MAPK9: variants seen among roughly 807,000 people sequenced by gnomAD.
The protein encoded by MAPK9 is mitogen-activated protein kinase 9.
Under a neutral mutation model 57.1 loss-of-function variants are expected in MAPK9, and 30 were observed. That is an observed-to-expected ratio of 0.53 (90% CI 0.39 to 0.71). MAPK9 has a LOEUF of 0.71. Ranked by LOEUF, MAPK9 falls within the 30% of genes least tolerant of loss-of-function variation. The pLI is 0.00. For missense variants in MAPK9, 362 were observed against 521.0 expected (o/e 0.69, Z 2.97); for synonymous variants, 155 against 177.0 (o/e 0.88, Z 0.99).
intron 5 of MAPK9, chr5:180,257,894 C>A: frequency 1.1e-5 from 2 of 181,894 alleles, no homozygotes; most frequent in South Asian, 1.5e-4. Flanking sequence ...TTCACATGTC[C>A]TTCATCCCTT....
intron 5 of MAPK9, among the ~76,000 whole-genome samples, chr5:180,251,484 G>A (rs191036208): frequency 2.6e-5 from 4 of 152,296 alleles, no homozygotes; most frequent in Admixed American, 1.3e-4. Context: ...CTTTACTGCC[G>A]TCTGCTGGAA....
At chr5:180,254,768 G>A (rs34522502) in intron 5 of MAPK9, among the ~76,000 whole-genome samples, 214 of 152,344 alleles carry the variant, frequency 1.4e-3, no homozygotes, top group Non-Finnish European at 2.3e-3. Context: ...AGGCACAGTG[G>A]CTCATGCCTG....
At chr5:180,257,617 T>G (rs1030761600) in intron 5 of MAPK9, 4 of 152,274 alleles carry the variant, frequency 2.6e-5, no homozygotes, top group Non-Finnish European at 4.4e-5. Context: ...TGCCACAGAC[T>G]GTCACCCTGT....
chr5:180,264,860 A>T (rs768846922), intron 3 of MAPK9, 21 bp from the exon 4 acceptor site: 1 of 1,498,242 alleles, frequency 6.7e-7, no homozygotes, highest in South Asian at 1.2e-5. Context: ...AAAATTAATT[A>T]TACTTCAATA....
chr5:180,237,321 C>A (rs1757249517), intron 11 of MAPK9: 1 of 152,150 alleles, frequency 6.6e-6, no homozygotes. Flanking sequence ...CACATCCGCA[C>A]ACATGTGTGT....
intron 7 of MAPK9, among the ~76,000 whole-genome samples, chr5:180,245,868 T>C (rs1350953619): frequency 6.6e-6 from 1 of 152,226 alleles, no homozygotes; most frequent in Non-Finnish European, 1.5e-5. Flanking sequence ...TCAGTCTGAT[T>C]TCTGCAACTT....
At chr5:180,264,068 C>T (rs894925737) in intron 4 of MAPK9, among the ~76,000 whole-genome samples, 2 of 152,156 alleles carry the variant, frequency 1.3e-5, no homozygotes, top group African/African-American at 4.8e-5. Flanking sequence ...GAGGTCTTTC[C>T]CCAGCCACCT....
chr5:180,254,903 G>A (rs35532944), intron 5 of MAPK9, among the ~76,000 whole-genome samples: 2,031 of 152,206 alleles, frequency 0.013, 54 homozygotes, highest in African/African-American at 0.046. Context: ...GCGTGGTGGC[G>A]GACGCCTGCA....
intron 2 of MAPK9, among the ~76,000 whole-genome samples, chr5:180,274,404 T>C (rs1247515421): frequency 6.6e-6 from 1 of 152,198 alleles, no homozygotes; most frequent in Non-Finnish European, 1.5e-5. Flanking sequence ...TTGCTCTGGC[T>C]CATGGAAAGG....
At chr5:180,254,835 C>A (rs1759097796) in intron 5 of MAPK9, among the ~76,000 whole-genome samples, 1 of 152,128 alleles carries the variant, frequency 6.6e-6, no homozygotes, top group Non-Finnish European at 1.5e-5. Flanking sequence ...GAGATCGAGA[C>A]CATCCTGGGT....
At chr5:180,249,246 G>T in intron 5 of MAPK9, 108 bp from the exon 6 acceptor site, 1 of 988,596 alleles carries the variant, frequency 1.0e-6, no homozygotes, top group South Asian at 2.0e-5. Flanking sequence ...GGAGTGAACT[G>T]AACTCTGAGA....
chr5:180,289,744 G>C (rs545658164), intron 1 of MAPK9, among the ~76,000 whole-genome samples: 1 of 152,144 alleles, frequency 6.6e-6, no homozygotes, highest in African/African-American at 2.4e-5. Context: ...CAGTCCTGGA[G>C]GATGACGATC....
intron 5 of MAPK9, chr5:180,257,908 A>G: frequency 5.5e-6 from 1 of 180,410 alleles, no homozygotes; most frequent in Non-Finnish European, 1.3e-5. Context: ...ATCCCTTAAT[A>G]GGCACATCTT....
chr5:180,282,612 C>T (rs898028186), intron 1 of MAPK9, among the ~76,000 whole-genome samples: 1 of 152,202 alleles, frequency 6.6e-6, no homozygotes, highest in Non-Finnish European at 1.5e-5. Context: ...TGTCCAGACA[C>T]AGCGAACTGC....
intron 5 of MAPK9, among the ~76,000 whole-genome samples, chr5:180,254,257 G>A (rs963053778): frequency 6.6e-6 from 1 of 152,178 alleles, no homozygotes; most frequent in African/African-American, 2.4e-5. Flanking sequence ...ATGAGCCACC[G>A]TGCTTGGCCT....
In MAPK9 at chr5:180,235,552, T is replaced by G. The variant is rs1361126903; in HGVS notation, c.*832A>C. The G allele has an allele frequency of 6.6e-6, 1 of 152,090 alleles. No homozygotes were observed. The highest frequency in any genetic ancestry group is 1.5e-5 in the Non-Finnish European group (1 of 68,014). 9.4% of individuals were successfully genotyped at this position (152,090 alleles called of 1,614,324 possible). ...AGTGTTACGCACCTAATAAAGAAGGTGAAGTTCTAGGTAGCATTTTAAATT... is the reference window on the plus strand; with the variant it reads ...AGTGTTACGCACCTAATAAAGAAGGGGAAGTTCTAGGTAGCATTTTAAATT... On this transcript the variant is annotated 3_prime_UTR_variant, in exon 12 of 12. Transcript: ENST00000452135.
At chr5:180,278,679 C>T (rs2127619136) in intron 2 of MAPK9, among the ~76,000 whole-genome samples, 1 of 152,094 alleles carries the variant, frequency 6.6e-6, no homozygotes, top group East Asian at 1.9e-4. Context: ...AGCCTGGTGA[C>T]AAAGTGAGAC....
intron 4 of MAPK9, chr5:180,262,897 C>T (rs1760133697): frequency 6.6e-6 from 1 of 152,336 alleles, no homozygotes; most frequent in Non-Finnish European, 1.5e-5. Flanking sequence ...TCTAACTTCT[C>T]GCTGTCAAAA....
At chr5:180,255,518 G>A (rs1470448421) in intron 5 of MAPK9, among the ~76,000 whole-genome samples, 1 of 152,082 alleles carries the variant, frequency 6.6e-6, no homozygotes, top group East Asian at 1.9e-4. Context: ...CCTGATGGAA[G>A]AGTTAGGGTT....
Sources: gnomAD v4.1 joint callset for allele counts (sites outside exome capture counted in the v4.1 genomes callset) on GRCh38, gnomAD v4.1.1 for gene constraint, MANE v1.5 for transcripts, NCBI Gene and HGNC (gene_info 2026-07-23, HGNC 2026-07-21) for gene names.